RAB27A: variants seen among roughly 807,000 people sequenced by gnomAD.
RAB27A encodes ras-related protein Rab-27A.
RAB27A carries 17 observed loss-of-function variants against 20.8 expected under a neutral mutation model. That is an observed-to-expected ratio of 0.82 (90% CI 0.56 to 1.23). The LOEUF is 1.23. Ranked by LOEUF, RAB27A falls within the 50% of genes most tolerant of loss-of-function variation. RAB27A has a pLI of 0.00. For missense variants in RAB27A, 277 were observed against 266.7 expected (o/e 1.04, Z -0.27); for synonymous variants, 85 against 92.8 (o/e 0.92, Z 0.48).
intron 2 of RAB27A, chr15:55,313,991 TAAA>T: frequency 6.7e-6 from 1 of 150,326 alleles, no homozygotes; most frequent in Non-Finnish European, 1.4e-5. Flanking sequence ...AATAAATAAA[TAAA>T]TAAATAAATA....
intron 1 of RAB27A, among the ~76,000 whole-genome samples, chr15:55,280,344 G>A (rs916161527): frequency 6.6e-6 from 1 of 151,882 alleles, no homozygotes; most frequent in African/African-American, 2.4e-5. Context: ...GAGTAAAGGT[G>A]AGCTAGACAC....
chr15:55,281,640 G>C (rs1368144360), intron 1 of RAB27A, among the ~76,000 whole-genome samples: 1 of 151,920 alleles, frequency 6.6e-6, no homozygotes, highest in Non-Finnish European at 1.5e-5. Flanking sequence ...TTGAGCCCAG[G>C]ATGTTGAGGT....
intron 6 of RAB27A, among the ~76,000 whole-genome samples, chr15:55,207,588 T>C (rs750954739): frequency 6.6e-6 from 1 of 152,234 alleles, no homozygotes; most frequent in Non-Finnish European, 1.5e-5. Flanking sequence ...CATATGTATA[T>C]CATCCAGTAC....
chr15:55,225,920 C>G (rs1025477622), intron 5 of RAB27A, among the ~76,000 whole-genome samples: 1 of 152,088 alleles, frequency 6.6e-6, no homozygotes, highest in African/African-American at 2.4e-5. Context: ...AAGTTTATTA[C>G]AGAGAATCTC....
At chr15:55,237,057 C>T (rs995144667) in intron 2 of RAB27A, among the ~76,000 whole-genome samples, 2 of 152,136 alleles carry the variant, frequency 1.3e-5, no homozygotes, top group African/African-American at 4.8e-5. Context: ...ATCTCATTAA[C>T]ACTGACGACT....
At chr15:55,307,692 T>A (rs1243862617) in intron 2 of RAB27A, among the ~76,000 whole-genome samples, 1 of 151,042 alleles carries the variant, frequency 6.6e-6, no homozygotes, top group Non-Finnish European at 1.5e-5. Context: ...CCCAGACTAG[T>A]AGACACTGAA....
At chr15:55,252,351 C>T (rs113469948) in intron 2 of RAB27A, among the ~76,000 whole-genome samples, 41 of 152,306 alleles carry the variant, frequency 2.7e-4, no homozygotes, top group African/African-American at 9.4e-4. Context: ...CACTTGTAAT[C>T]CCAGCACTTT....
chr15:55,299,801 T>C (rs978987102), intron 2 of RAB27A, among the ~76,000 whole-genome samples: 4 of 151,936 alleles, frequency 2.6e-5, no homozygotes, highest in Non-Finnish European at 2.9e-5. Context: ...AATAATGTTA[T>C]AGCAATCCTA....
chr15:55,314,296 C>T (rs1246777821), intron 1 of RAB27A: 1 of 151,938 alleles, frequency 6.6e-6, no homozygotes, highest in East Asian at 1.9e-4. Flanking sequence ...GAACTTTGTA[C>T]ATATGTGATT....
intron 2 of RAB27A, among the ~76,000 whole-genome samples, chr15:55,240,946 A>T (rs1484298409): frequency 6.6e-6 from 1 of 152,200 alleles, no homozygotes; most frequent in African/African-American, 2.4e-5. Context: ...GACTCAATGA[A>T]GCACAATAAT....
At chr15:55,244,465 C>T (rs1214142289) in intron 2 of RAB27A, among the ~76,000 whole-genome samples, 2 of 152,160 alleles carry the variant, frequency 1.3e-5, no homozygotes, top group Non-Finnish European at 2.9e-5. Flanking sequence ...ACACCATACA[C>T]CATGCCCAGC....
At chr15:55,315,034 A>G (rs760194014) in intron 1 of RAB27A, among the ~76,000 whole-genome samples, 11 of 152,236 alleles carry the variant, frequency 7.2e-5, no homozygotes, top group Non-Finnish European at 1.5e-4. Context: ...TATGGTAACC[A>G]AAACACCATG....
At chr15:55,304,005 C>T (rs1439574731) in intron 2 of RAB27A, among the ~76,000 whole-genome samples, 1 of 151,188 alleles carries the variant, frequency 6.6e-6, no homozygotes, top group African/African-American at 2.4e-5. Context: ...ACAATGGCGG[C>T]TTTGTGGAAT....
At chr15:55,266,669 C>T (rs1185577031) in intron 2 of RAB27A, among the ~76,000 whole-genome samples, 1 of 152,184 alleles carries the variant, frequency 6.6e-6, no homozygotes, top group African/African-American at 2.4e-5. Context: ...ATTTAGTCTT[C>T]ACAACAACCG....
At chr15:55,312,258 G>A (rs1368352714) in intron 2 of RAB27A, among the ~76,000 whole-genome samples, 3 of 152,152 alleles carry the variant, frequency 2.0e-5, no homozygotes, top group South Asian at 2.1e-4. Context: ...AGGGGTGGAC[G>A]GCGAGCAAAA....
intron 1 of RAB27A, among the ~76,000 whole-genome samples, chr15:55,317,033 T>C (rs1234702092): frequency 6.6e-6 from 1 of 152,222 alleles, no homozygotes; most frequent in Non-Finnish European, 1.5e-5. Context: ...TGGCACCCCA[T>C]GATACTGCAT....
chr15:55,203,237 A>G lies in RAB27A; in HGVS notation c.*2270T>C, dbSNP rs2140883411. 6.6e-6 allele frequency: 1 copy of G among 152,298 alleles called. No individual in the cohort carries two copies. Among genetic ancestry groups the G allele is most frequent in the East Asian group, 1.9e-4 (1 of 5,190 alleles). 9.4% of individuals were successfully genotyped at this position (152,298 alleles called of 1,614,324 possible). ...TAGCTAATTACTCATTTGGTTCTTGAAAACTGAAACATGCAAACATTCTTA... is the reference window on the plus strand; with the variant it reads ...TAGCTAATTACTCATTTGGTTCTTGGAAACTGAAACATGCAAACATTCTTA... On this transcript the variant is annotated 3_prime_UTR_variant, in exon 7 of 7. Coordinates refer to ENST00000336787, the MANE Select transcript of RAB27A (RefSeq NM_183235.3).
chr15:55,219,824 G>A (rs1278931971), intron 6 of RAB27A, among the ~76,000 whole-genome samples: 2 of 151,826 alleles, frequency 1.3e-5, no homozygotes, highest in African/African-American at 4.8e-5. Flanking sequence ...ATAATACATT[G>A]GAAACCATTA....
chr15:55,256,617 G>A (rs373851734), intron 2 of RAB27A, among the ~76,000 whole-genome samples: 1 of 152,336 alleles, frequency 6.6e-6, no homozygotes, highest in African/African-American at 2.4e-5. Context: ...GGATACAAAT[G>A]TGCCTCAGAT....
Sources: gnomAD v4.1 joint callset for allele counts (sites outside exome capture counted in the v4.1 genomes callset) on GRCh38, gnomAD v4.1.1 for gene constraint, MANE v1.5 for transcripts, NCBI Gene and HGNC (gene_info 2026-07-23, HGNC 2026-07-21) for gene names.